Variants in MTSS1 observed in about 807,000 individuals in gnomAD.
MTSS1 encodes MTSS I-BAR domain containing 1.
In MTSS1, 18 loss-of-function variants were observed where a neutral mutation model predicts 79.0. The observed-to-expected ratio is 0.23, with a 90% CI of 0.16 to 0.34. The LOEUF (loss-of-function observed/expected upper bound fraction) is 0.34, where lower values mean the gene tolerates loss of function less well. Among genes scored for constraint, MTSS1 ranks in the 10% least tolerant of loss-of-function variants. The probability of loss-of-function intolerance (pLI) is 1.00; values close to 1 mark genes in which losing one functional copy is unlikely to be tolerated. For missense variants in MTSS1, 815 were observed against 986.2 expected (o/e 0.83, Z 2.33); for synonymous variants, 341 against 368.6 (o/e 0.93, Z 0.86).
Position 124,552,976 on chromosome 8 carries a change from C to T in MTSS1, c.*16G>A, listed in dbSNP as rs536701073. On this transcript the variant is annotated 3_prime_UTR_variant, in exon 14 of 14. Coordinates refer to ENST00000518547, the MANE Select transcript of MTSS1 (RefSeq NM_014751.6). The stretch of plus-strand genomic sequence containing the variant: ...AATGAAACAGTTCATTCCCCACCGG[C>T]GCATTTCTTGTGAACCTAAGAAAAG... 8.1e-6 allele frequency: 13 copies of T among 1,605,406 alleles called. No homozygotes were observed. Among genetic ancestry groups the T allele is most frequent in the African/African-American group, 8.0e-5 (6 of 74,702 alleles).
intron 3 of MTSS1, among the ~76,000 whole-genome samples, chr8:124,601,465 G>C (rs772960986): frequency 6.6e-6 from 1 of 152,170 alleles, no homozygotes; most frequent in Non-Finnish European, 1.5e-5. Context: ...TCCAGGGCTC[G>C]GGACTGTGTC....
At position 124,728,005 on chromosome 8, in the gene MTSS1, C is replaced by A; in HGVS notation, c.-50G>T. The stretch of plus-strand genomic sequence containing the variant: ...GCACACACGCGGGGCCGCTGGACTG[C>A]GCGCGGGGCCGGGGCTCGCTCACCC... On this transcript the variant is annotated 5_prime_UTR_variant, in exon 1 of 14. Coordinates refer to ENST00000518547, the MANE Select transcript of MTSS1 (RefSeq NM_014751.6). This position sits in a 1 kb window ranked among gnomAD's most constrained non-coding sequence, Gnocchi z 6.1. 6.5e-7 allele frequency: 1 copy of A among 1,542,418 alleles called. No individual in the cohort carries two copies. Among genetic ancestry groups the A allele is most frequent in the Non-Finnish European group, 8.9e-7 (1 of 1,124,422 alleles).
At chr8:124,694,242 T>TA (rs1828430017) in intron 3 of MTSS1, among the ~76,000 whole-genome samples, 1 of 152,114 alleles carries the variant, frequency 6.6e-6, no homozygotes, top group Admixed American at 6.6e-5. Context: ...CACTCCCTCT[T>TA]AGTCAGCACT....
At chr8:124,585,383 C>T (rs776290828) in intron 5 of MTSS1, among the ~76,000 whole-genome samples, 1 of 151,986 alleles carries the variant, frequency 6.6e-6, no homozygotes, top group Non-Finnish European at 1.5e-5. Context: ...CATATTCACT[C>T]ATACCAGCTT....
At chr8:124,677,587 C>T (rs1485508468) in intron 3 of MTSS1, among the ~76,000 whole-genome samples, 2 of 152,164 alleles carry the variant, frequency 1.3e-5, no homozygotes, top group East Asian at 3.8e-4. Context: ...AGCTCATGGG[C>T]CAATAGCAGG....
chr8:124,558,744 G>T, intron 10 of MTSS1: 1 of 1,579,922 alleles, frequency 6.3e-7, no homozygotes, highest in East Asian at 2.3e-5. Flanking sequence ...ACCCATGGTG[G>T]AGCCCGAGCT....
intron 5 of MTSS1, among the ~76,000 whole-genome samples, chr8:124,585,698 A>G (rs1323193958): frequency 6.6e-6 from 1 of 152,160 alleles, no homozygotes; most frequent in East Asian, 1.9e-4. Context: ...ATGAGCCACC[A>G]TGCCTGGCGG....
chr8:124,679,185 C>CA (rs1242820535), intron 3 of MTSS1, among the ~76,000 whole-genome samples: 2 of 152,234 alleles, frequency 1.3e-5, no homozygotes, highest in Non-Finnish European at 1.5e-5. Flanking sequence ...CTAGTGCTGG[C>CA]ATCTCAACTT....
intron 3 of MTSS1, among the ~76,000 whole-genome samples, chr8:124,666,165 G>A (rs144513031): frequency 6.6e-6 from 1 of 152,290 alleles, no homozygotes; most frequent in Non-Finnish European, 1.5e-5. Context: ...GATCTCCCTG[G>A]GGTGGGGACT....
intron 6 of MTSS1, among the ~76,000 whole-genome samples, chr8:124,574,706 C>T (rs988315736): frequency 6.6e-6 from 1 of 152,302 alleles, no homozygotes; most frequent in South Asian, 2.1e-4. Context: ...TGGCAAAGGG[C>T]TCTCCAACGG....
chr8:124,628,187 C>T (rs1464893700), intron 3 of MTSS1, among the ~76,000 whole-genome samples: 1 of 152,088 alleles, frequency 6.6e-6, no homozygotes, highest in Non-Finnish European at 1.5e-5. Flanking sequence ...ACAACAGCAA[C>T]AAACTAGCAG....
intron 3 of MTSS1, among the ~76,000 whole-genome samples, chr8:124,607,419 A>T (rs1484101471): frequency 6.6e-6 from 1 of 152,114 alleles, no homozygotes; most frequent in Non-Finnish European, 1.5e-5. Flanking sequence ...CTCAAGTCAT[A>T]CCTTCCCCAG....
chr8:124,588,825 G>A (rs771378416), intron 5 of MTSS1, among the ~76,000 whole-genome samples: 12 of 151,944 alleles, frequency 7.9e-5, no homozygotes, highest in Non-Finnish European at 8.8e-5. Context: ...AACAATTCTC[G>A]TGTCTCAGCC....
At chr8:124,576,613 A>G (rs2132314759) in intron 6 of MTSS1, among the ~76,000 whole-genome samples, 1 of 152,246 alleles carries the variant, frequency 6.6e-6, no homozygotes, top group East Asian at 1.9e-4. Context: ...TAATAAATGG[A>G]GGCTGGAGTG....
intron 6 of MTSS1, among the ~76,000 whole-genome samples, chr8:124,572,743 C>CTTTTTTTTTTTT (rs747243821): frequency 1.8e-4 from 22 of 123,664 alleles, no homozygotes; most frequent in African/African-American, 4.3e-4. Flanking sequence ...CTTTTCTTTT[C>CTTTTTTTTTTTT]TTTTTTTTTT....
intron 1 of MTSS1, among the ~76,000 whole-genome samples, chr8:124,712,166 GTCT>G (rs1207807300): frequency 3.3e-5 from 5 of 152,112 alleles, no homozygotes; most frequent in Non-Finnish European, 5.9e-5. Context: ...ACACAAACTG[GTCT>G]TCTTCTACCA....
chr8:124,618,917 C>T (rs1812921243), intron 3 of MTSS1, among the ~76,000 whole-genome samples: 1 of 152,210 alleles, frequency 6.6e-6, no homozygotes. Context: ...AGTGTCATGG[C>T]TGGAAGATCT....
chr8:124,681,535 C>T (rs1266140082), intron 3 of MTSS1, among the ~76,000 whole-genome samples: 3 of 152,216 alleles, frequency 2.0e-5, no homozygotes, highest in Non-Finnish European at 4.4e-5. Context: ...TGCCTGTAAT[C>T]CCAGCACTTT....
chr8:124,557,890 A>G lies in MTSS1; in HGVS notation c.1036-15T>C, dbSNP rs1824319124. On this transcript the variant is annotated splice_polypyrimidine_tract_variant and intron_variant, in intron 10 of 13. Transcript: ENST00000518547. ...CCGTTAGACAACTGGAAACAAACAA[A>G]AAAAGGGGGGGGGAAGGAAAAAAAA... The G allele has an allele frequency of 1.3e-6, 2 of 1,545,866 alleles. No homozygotes were observed. Among genetic ancestry groups the G allele is most frequent in the East Asian group, 2.4e-5 (1 of 41,886 alleles).
Sources: allele counts gnomAD v4.1 joint callset (sites outside exome capture counted in the v4.1 genomes callset), GRCh38; gene constraint gnomAD v4.1.1; non-coding constraint Gnocchi (gnomAD v3.1); transcripts MANE v1.5; gene names NCBI Gene and HGNC (gene_info 2026-07-23, HGNC 2026-07-21).